GABRG3: variants seen among roughly 807,000 people sequenced by gnomAD.
GABRG3 encodes gamma-aminobutyric acid receptor subunit gamma-3.
In GABRG3, 25 loss-of-function variants were observed where a neutral mutation model predicts 48.8. The observed-to-expected ratio is 0.51, with a 90% CI of 0.37 to 0.72. GABRG3 has a LOEUF of 0.72. Among genes scored for constraint, GABRG3 ranks in the 30% least tolerant of loss-of-function variants. GABRG3 has a pLI of 0.00. For missense variants in GABRG3, 394 were observed against 577.9 expected, an observed-to-expected ratio of 0.68 and a Z score of 3.26; for synonymous variants, 227 against 217.6, an observed-to-expected ratio of 1.04 and a Z score of -0.38.
At chr15:27,481,645 G>A (rs953217521) in intron 6 of GABRG3, among the ~76,000 whole-genome samples, 1 of 152,124 alleles carries the variant, frequency 6.6e-6, no homozygotes, top group African/African-American at 2.4e-5. Flanking sequence ...AAAATAGAGA[G>A]CTATTGACAC....
intron 5 of GABRG3, among the ~76,000 whole-genome samples, chr15:27,393,683 G>T (rs1887216830): frequency 2.0e-5 from 3 of 152,114 alleles, no homozygotes; most frequent in African/African-American, 7.2e-5. Flanking sequence ...AATGTGTAGT[G>T]GTTTCAGATA....
intron 3 of GABRG3, among the ~76,000 whole-genome samples, chr15:27,307,107 GTTTATA>G (rs1892590045): frequency 8.3e-6 from 1 of 120,784 alleles, no homozygotes; most frequent in African/African-American, 3.9e-5. Context: ...ATATAAACAT[GTTTATA>G]TATAAACATA....
chr15:27,035,515 C>G (rs1896161389), intron 3 of GABRG3, among the ~76,000 whole-genome samples: 1 of 151,734 alleles, frequency 6.6e-6, no homozygotes, highest in East Asian at 1.9e-4. Context: ...CATAATGTCC[C>G]TCTGACAAGA....
intron 2 of GABRG3, among the ~76,000 whole-genome samples, chr15:27,019,761 A>G (rs1378387235): frequency 6.6e-6 from 1 of 152,144 alleles, no homozygotes; most frequent in African/African-American, 2.4e-5. Context: ...AGCAGGAAAG[A>G]TGGAAGGGAG....
chr15:27,079,878 C>G (rs1344058231), intron 3 of GABRG3, among the ~76,000 whole-genome samples: 2 of 152,132 alleles, frequency 1.3e-5, no homozygotes, highest in African/African-American at 4.8e-5. Flanking sequence ...CCCGCACTTT[C>G]TCAGGTTTGC....
chr15:27,089,133 G>C (rs1242734092), intron 3 of GABRG3, among the ~76,000 whole-genome samples: 1 of 152,198 alleles, frequency 6.6e-6, no homozygotes, highest in Non-Finnish European at 1.5e-5. Context: ...AGGAAGGACC[G>C]TGGAAGGACC....
At chr15:27,018,643 C>T (rs1286949646) in intron 2 of GABRG3, among the ~76,000 whole-genome samples, 3 of 152,064 alleles carry the variant, frequency 2.0e-5, no homozygotes, top group Non-Finnish European at 2.9e-5. Flanking sequence ...TAGCTGTAAA[C>T]CTTATATTTA....
intron 2 of GABRG3, among the ~76,000 whole-genome samples, chr15:27,004,070 C>CG (rs1334880156): frequency 6.9e-6 from 1 of 145,862 alleles, no homozygotes; most frequent in African/African-American, 2.6e-5. Context: ...GCTGACCCGG[C>CG]GGGGGGCTGA....
chr15:27,255,017 T>C (rs1312727583), intron 3 of GABRG3, among the ~76,000 whole-genome samples: 1 of 152,140 alleles, frequency 6.6e-6, no homozygotes, highest in Non-Finnish European at 1.5e-5. Context: ...CACTCTGGGC[T>C]CTGATCCCTC....
intron 5 of GABRG3, among the ~76,000 whole-genome samples, chr15:27,360,340 C>T (rs563603825): frequency 5.3e-5 from 8 of 152,212 alleles, no homozygotes; most frequent in East Asian, 1.9e-4. Context: ...GAATGGGCCG[C>T]GACCCCGGCC....
chr15:27,177,369 A>G (rs1887780682), intron 3 of GABRG3, among the ~76,000 whole-genome samples: 1 of 152,246 alleles, frequency 6.6e-6, no homozygotes, highest in Non-Finnish European at 1.5e-5. Context: ...CTCCAGCTAC[A>G]TGACTCTTGA....
intron 3 of GABRG3, among the ~76,000 whole-genome samples, chr15:27,221,059 G>A (rs930488765): frequency 3.3e-5 from 5 of 151,886 alleles, no homozygotes; most frequent in African/African-American, 1.2e-4. Context: ...CAAGATTCAG[G>A]GAGGAAATTG....
At chr15:27,251,549 A>G (rs73361516) in intron 3 of GABRG3, among the ~76,000 whole-genome samples, 24,679 of 152,202 alleles carry the variant, frequency 0.16, 2,668 homozygotes, top group African/African-American at 0.31. Flanking sequence ...AAGTAGTACC[A>G]TTTTGACTTG....
chr15:27,360,026 G>T (rs557195275), intron 5 of GABRG3, among the ~76,000 whole-genome samples: 1 of 152,290 alleles, frequency 6.6e-6, no homozygotes, highest in Admixed American at 6.5e-5. Context: ...GGGACACTGA[G>T]CCCAGCCTCC....
intron 2 of GABRG3, among the ~76,000 whole-genome samples, chr15:27,016,083 A>G (rs1214853879): frequency 2.0e-5 from 3 of 152,064 alleles, no homozygotes; most frequent in Admixed American, 2.0e-4. Context: ...ACCTGATTTA[A>G]AAGTAATTTT....
intron 3 of GABRG3, among the ~76,000 whole-genome samples, chr15:27,300,658 A>AAAAT (rs1194712618): frequency 3.0e-5 from 4 of 132,160 alleles, no homozygotes; most frequent in East Asian, 2.0e-4. Flanking sequence ...ACTCCATCTC[A>AAAAT]AAATAAATAA....
chr15:27,528,837 T>G (rs1230322066), intron 9 of GABRG3, among the ~76,000 whole-genome samples: 1 of 152,032 alleles, frequency 6.6e-6, no homozygotes, highest in East Asian at 1.9e-4. Flanking sequence ...TTATATAAAT[T>G]GTATTTTATA....
intron 3 of GABRG3, among the ~76,000 whole-genome samples, chr15:27,166,689 A>G (rs910571252): frequency 2.2e-4 from 33 of 152,146 alleles, no homozygotes; most frequent in African/African-American, 7.5e-4. Context: ...CAAAGCAAAC[A>G]GCTCCTGCTG....
At chr15:27,129,476 T>C (rs1897878030) in intron 3 of GABRG3, among the ~76,000 whole-genome samples, 1 of 152,230 alleles carries the variant, frequency 6.6e-6, no homozygotes, top group African/African-American at 2.4e-5. Flanking sequence ...TGCTTCTACC[T>C]TCTGGTTATT....
Sources: allele counts gnomAD v4.1 joint callset (sites outside exome capture counted in the v4.1 genomes callset), GRCh38; gene constraint gnomAD v4.1.1; transcripts MANE v1.5; gene names NCBI Gene and HGNC (gene_info 2026-07-23, HGNC 2026-07-21).